The following GTPBP1 variants were observed in gnomAD, a reference collection of about 807,000 sequenced individuals.
GTPBP1 encodes the protein GTP binding protein 1, also known as GTP-binding protein 1.
In GTPBP1, 23 loss-of-function variants were observed where a neutral mutation model predicts 62.0. The ratio of observed to expected loss-of-function variants is 0.37; its 90% CI spans 0.27 to 0.53. The LOEUF (loss-of-function observed/expected upper bound fraction) is 0.53. Ranked by LOEUF, GTPBP1 falls within the 20% of genes least tolerant of loss-of-function variation. The pLI is 0.89. For missense variants in GTPBP1, 640 were observed against 917.3 expected (o/e 0.70, Z 3.90); for synonymous variants, 344 against 364.4 (o/e 0.94, Z 0.64).
intron 1 of GTPBP1, 77 bp from the exon 2 acceptor site, chr22:38,708,767 GT>G: frequency 1.2e-6 from 1 of 827,096 alleles, no homozygotes; most frequent in Non-Finnish European, 2.1e-6. Flanking sequence ...AGGATCTTTG[GT>G]TAGGCTATAT....
At chr22:38,741,703 G>A (rs2092859139), downstream of GTPBP1, 13 of 784,316 alleles carry the variant, frequency 1.7e-5, no homozygotes. Context: ...AGCCTTCTCT[G>A]AACCACGCAA....
downstream of GTPBP1, chr22:38,740,621 A>T: frequency 1.7e-6 from 1 of 604,220 alleles, no homozygotes; most frequent in Non-Finnish European, 2.8e-6. This position sits in a 1 kb window ranked among gnomAD's most constrained non-coding sequence, Gnocchi z 4.8. Context: ...TGTCCCAAGG[A>T]GCTAATTCTG....
In GTPBP1 at chr22:38,716,422, T is replaced by C. The variant is rs2092670852; in HGVS notation, c.486-230T>C. On this transcript the variant is annotated intron_variant, in intron 3 of 11. Coordinates refer to ENST00000216044, the MANE Select transcript of GTPBP1 (RefSeq NM_004286.5). The surrounding 1 kb of genome is among the most constrained non-coding windows in gnomAD (Gnocchi z 5.2). ...CTTCCTGGCAGCACCCAGAAGCTAG[T>C]GGGAGTTAAGGGAGATAGCCGCTGT... Among the ~76,000 whole-genome samples, 1 of 152,228 alleles carries C rather than the reference T, an allele frequency of 6.6e-6. No homozygotes were observed. The highest frequency in any genetic ancestry group is 1.9e-4 in the East Asian group (1 of 5,174).
At chr22:38,733,851 A>G (rs1453533300), downstream of GTPBP1, among the ~76,000 whole-genome samples, 1 of 152,232 alleles carries the variant, frequency 6.6e-6, no homozygotes, top group Non-Finnish European at 1.5e-5. Flanking sequence ...TAGGATTTGA[A>G]TGTACAGATG....
chr22:38,720,055 A>G (rs2092691681), intron 4 of GTPBP1, among the ~76,000 whole-genome samples: 1 of 150,776 alleles, frequency 6.6e-6, no homozygotes, highest in African/African-American at 2.4e-5. Flanking sequence ...CAGCCTCCCA[A>G]GTAGCTGGGA....
Position 38,705,980 on chromosome 22 carries a change from G to T in GTPBP1, c.25G>T (p.Ala9Ser), listed in dbSNP as rs1206230916. MATERSRSAMDSPVPASMF... is the reference protein window; with the variant it reads MATERSRSSMDSPVPASMF... Reference sequence around the variant, plus strand: ...GATGGCGACGGAGCGCAGTCGCTCCGCGATGGACTCGCCGGTCCCGGCCTC... The same window carrying T: ...GATGGCGACGGAGCGCAGTCGCTCCTCGATGGACTCGCCGGTCCCGGCCTC... Residue 9 changes from alanine to serine, a missense_variant, in exon 1 of 12, where the codon GCG (alanine) becomes TCG (serine). Transcript: ENST00000216044. 2.1e-6 allele frequency: 3 copies of T among 1,450,874 alleles called. No individual in the cohort carries two copies. The Admixed American group carries it at 7.2e-5, about 35-fold the overall frequency. 89.9% of individuals were successfully genotyped at this position (1,450,874 alleles called of 1,614,324 possible).
At chr22:38,734,034 G>A (rs1603206880), downstream of GTPBP1, 1 of 257,260 alleles carries the variant, frequency 3.9e-6, no homozygotes, top group Non-Finnish European at 7.8e-6. Context: ...TCTCCCAAGA[G>A]GCTGAGGAGC....
chr22:38,732,776 A>C lies in GTPBP1; in HGVS notation c.*2072A>C, dbSNP rs1319286901. The stretch of plus-strand genomic sequence containing the variant: ...CAGTGGTGTGATCTCTGCTCACTGC[A>C]ACCTCCGCCTGCCAGTTTCAAGTGA... On this transcript the variant is annotated 3_prime_UTR_variant, in exon 12 of 12. Coordinates refer to ENST00000216044, the MANE Select transcript of GTPBP1 (RefSeq NM_004286.5). 1 of 152,308 alleles carries C rather than the reference A, an allele frequency of 6.6e-6. No individual in the cohort carries two copies. Among genetic ancestry groups the C allele is most frequent in the Non-Finnish European group, 1.5e-5 (1 of 68,104 alleles). The allele number at this position is 152,308 out of a possible 1,614,324, so 9.4% of individuals were successfully genotyped here.
chr22:38,712,219 G>C (rs772544613), intron 2 of GTPBP1, among the ~76,000 whole-genome samples: 28 of 152,192 alleles, frequency 1.8e-4, no homozygotes, highest in Non-Finnish European at 3.8e-4. Flanking sequence ...AGGCTGTGAA[G>C]AGGAGCTGCC....
In GTPBP1 at chr22:38,730,320, C is replaced by A. The variant is rs1418115605; in HGVS notation, c.1918-292C>A. 6.6e-6 allele frequency among the ~76,000 whole-genome samples: 1 copy of A among 152,242 alleles called. No homozygotes were observed. Among genetic ancestry groups the A allele is most frequent in the Non-Finnish European group, 1.5e-5 (1 of 68,040 alleles). On this transcript the variant is annotated intron_variant, in intron 11 of 11. Coordinates refer to ENST00000216044, the MANE Select transcript of GTPBP1 (RefSeq NM_004286.5). The surrounding 1 kb of genome is among the most constrained non-coding windows in gnomAD (Gnocchi z 5.6). ...TTCCTCTGGTTCGTTCGCTTCCTTTCTCTCTCTCCTGCTCTGCTTTGTGCT... is the reference window on the plus strand; with the variant it reads ...TTCCTCTGGTTCGTTCGCTTCCTTTATCTCTCTCCTGCTCTGCTTTGTGCT...
rs946149840 is a variant in GTPBP1, at chr22:38,726,903, A to T, written c.1402-310A>T. ...CTTTCTTCCCCACAGTGGTCAGGTC[A>T]TGCCCACCTGTTGTTCCCCCTGAAT... On this transcript the variant is annotated intron_variant, in intron 8 of 11. Coordinates refer to ENST00000216044, the MANE Select transcript of GTPBP1 (RefSeq NM_004286.5). This position sits in a 1 kb window ranked among gnomAD's most constrained non-coding sequence, Gnocchi z 4.1. 6.6e-6 allele frequency among the ~76,000 whole-genome samples: 1 copy of T among 152,184 alleles called. No homozygotes were observed. Among genetic ancestry groups the T allele is most frequent in the East Asian group, 1.9e-4 (1 of 5,194 alleles).
At chr22:38,707,304 T>A (rs2092610934) in intron 1 of GTPBP1, among the ~76,000 whole-genome samples, 1 of 152,240 alleles carries the variant, frequency 6.6e-6, no homozygotes. Flanking sequence ...TGTTTGTGAC[T>A]TTTTATAGTT....
intron 4 of GTPBP1, among the ~76,000 whole-genome samples, chr22:38,720,225 G>T (rs1373256543): frequency 1.3e-5 from 2 of 148,498 alleles, no homozygotes; most frequent in East Asian, 4.1e-4. Flanking sequence ...ACCGCGCCTG[G>T]CCTTTATTTT....
chr22:38,736,316 T>G, downstream of GTPBP1: 1 of 1,613,996 alleles, frequency 6.2e-7, no homozygotes, highest in Non-Finnish European at 8.5e-7. Context: ...GCAGGTGTAC[T>G]CGGGGTGGCC....
intron 6 of GTPBP1, 129 bp from the exon 7 acceptor site, chr22:38,725,877 G>A: frequency 1.2e-6 from 1 of 829,694 alleles, no homozygotes; most frequent in Admixed American, 2.0e-5. Flanking sequence ...GCAGGTGAGG[G>A]AGAGGTGGAG....
rs559133050 is a variant in GTPBP1 at position 38,730,198 on chromosome 22, C to T, written c.1918-414C>T. ...GATGAAGGCCTGGTGCCCCTTGCAC[C>T]CCTCTCCCCAGCATCTTTCTCCATT... On this transcript the variant is annotated intron_variant, in intron 11 of 11. Transcript: ENST00000216044. The surrounding 1 kb of genome is among the most constrained non-coding windows in gnomAD (Gnocchi z 5.6). Among the ~76,000 whole-genome samples, 69 of 152,306 alleles carry T rather than the reference C, an allele frequency of 4.5e-4. 1 individual carries two copies. In the South Asian group the frequency reaches 0.014, roughly 30 times the overall value.
downstream of GTPBP1, chr22:38,738,696 A>G: frequency 1.9e-6 from 3 of 1,613,724 alleles, no homozygotes; most frequent in Non-Finnish European, 2.5e-6. The surrounding 1 kb of genome is among the most constrained non-coding windows in gnomAD (Gnocchi z 6.6). Context: ...AGAGAGGCGG[A>G]CCACGGCGAA....
downstream of GTPBP1, chr22:38,738,203 G>A (rs529579340): frequency 2.9e-5 from 47 of 1,613,936 alleles, no homozygotes; most frequent in South Asian, 2.3e-4. This position sits in a 1 kb window ranked among gnomAD's most constrained non-coding sequence, Gnocchi z 6.6. Flanking sequence ...TAGGCTCGCC[G>A]TCCTGATCGT....
rs531549762 is a variant in GTPBP1, at chr22:38,726,991, G to A, written c.1402-222G>A. Among the ~76,000 whole-genome samples the A allele has an allele frequency of 2.6e-5, 4 of 152,202 alleles. No individual in the cohort carries two copies. The highest frequency in any genetic ancestry group is 2.6e-4 in the Admixed American group (4 of 15,290). On this transcript the variant is annotated intron_variant, in intron 8 of 11. Coordinates refer to ENST00000216044, the MANE Select transcript of GTPBP1 (RefSeq NM_004286.5). The surrounding 1 kb of genome is among the most constrained non-coding windows in gnomAD (Gnocchi z 4.1). ...CCGAGCAGCTGAAGTGCTGATTCCC[G>A]CATGAAGCCTTCCTGACCCCCAGTA... is the stretch of plus-strand genomic sequence containing the variant.
Sources: gnomAD v4.1 joint callset for allele counts (sites outside exome capture counted in the v4.1 genomes callset) on GRCh38, gnomAD v4.1.1 for gene constraint, Gnocchi (gnomAD v3.1) non-coding constraint, MANE v1.5 for transcripts, NCBI Gene and HGNC (gene_info 2026-07-23, HGNC 2026-07-21) for gene names.